TSHZ3: variants seen among roughly 807,000 people sequenced by gnomAD.
TSHZ3 encodes the protein teashirt zinc finger homeobox 3, also known as teashirt homolog 3.
A neutral mutation model predicts 64.5 loss-of-function variants in TSHZ3; 10 were observed. The observed-to-expected ratio is 0.16, with a 90% CI of 0.10 to 0.26. The LOEUF (loss-of-function observed/expected upper bound fraction) is 0.26. Among genes scored for constraint, TSHZ3 ranks in the 10% least tolerant of loss-of-function variants. The probability of loss-of-function intolerance (pLI) is 1.00; values close to 1 mark genes in which losing one functional copy is unlikely to be tolerated. For missense variants in TSHZ3, 1,242 were observed against 1,421.7 expected, an observed-to-expected ratio of 0.87 and a Z score of 2.03; for synonymous variants, 608 against 593.1, an observed-to-expected ratio of 1.03 and a Z score of -0.36.
chr19:31,268,571 C>A (rs184454269), intron 1 of TSHZ3, among the ~76,000 whole-genome samples: 1 of 152,318 alleles, frequency 6.6e-6, no homozygotes, highest in African/African-American at 2.4e-5. Flanking sequence ...GGCCACTGAT[C>A]CCCCAATCCT....
intron 5 of TSHZ3, among the ~76,000 whole-genome samples, chr19:31,201,647 A>G (rs1975088501): frequency 6.6e-6 from 1 of 152,204 alleles, no homozygotes; most frequent in Non-Finnish European, 1.5e-5. Flanking sequence ...CTGAGCAGGA[A>G]CTAATGTGGG....
At chr19:31,310,594 A>C (rs931680342) in intron 1 of TSHZ3, among the ~76,000 whole-genome samples, 7 of 152,256 alleles carry the variant, frequency 4.6e-5, no homozygotes, top group African/African-American at 1.7e-4. Flanking sequence ...GAATGAATGC[A>C]GGGAAAGGGG....
At chr19:31,176,531 C>T (rs374224458) in intron 5 of TSHZ3, among the ~76,000 whole-genome samples, 100 of 152,298 alleles carry the variant, frequency 6.6e-4, no homozygotes, top group African/African-American at 2.2e-3. Context: ...CATGGTGTTT[C>T]GCTTGTAATC....
chr19:31,277,219 G>T lies in TSHZ3; in HGVS notation c.2574C>A (p.His858Gln), dbSNP rs754566920. 5 of 1,614,238 alleles carry T rather than the reference G, an allele frequency of 3.1e-6. No individual in the cohort carries two copies. The highest frequency in any genetic ancestry group is 4.2e-6 in the Non-Finnish European group (5 of 1,180,044). ...SDMLKNLTES[H>Q]TSKSSTPSSI... Reference sequence around the variant, plus strand: ...TGGAAGGAGTGGAGGATTTTGACGTGTGGCTCTCTGTCAAGTTCTTCAGCA... The same window carrying T: ...TGGAAGGAGTGGAGGATTTTGACGTTTGGCTCTCTGTCAAGTTCTTCAGCA... The change falls in exon 2 of 2, where the codon CAC becomes CAA. Residue 858 changes from histidine to glutamine, a missense_variant. Around this residue, in one of 4 missense-constraint regions of TSHZ3, gnomAD observed 550 missense variants for 545.1 expected, o/e 1.01. Coordinates refer to ENST00000240587, the MANE Select transcript of TSHZ3 (RefSeq NM_020856.4). This position sits in a 1 kb window ranked among gnomAD's most constrained non-coding sequence, Gnocchi z 4.5.
chr19:31,195,044 G>C (rs1260399235), intron 5 of TSHZ3, among the ~76,000 whole-genome samples: 2 of 151,830 alleles, frequency 1.3e-5, no homozygotes, highest in East Asian at 3.9e-4. Context: ...TGAAAAGCAG[G>C]GAGAAAAAGA....
intron 5 of TSHZ3, among the ~76,000 whole-genome samples, chr19:31,184,841 C>G (rs1045775129): frequency 7.9e-5 from 12 of 152,130 alleles, no homozygotes; most frequent in African/African-American, 2.7e-4. Flanking sequence ...GAAAGCCCAA[C>G]CAAGAGTGAA....
intron 1 of TSHZ3, among the ~76,000 whole-genome samples, chr19:31,323,702 T>G (rs1916843940): frequency 6.6e-6 from 1 of 152,044 alleles, no homozygotes; most frequent in South Asian, 2.1e-4. Flanking sequence ...CAGGAAGAAG[T>G]TGGCTTCAGG....
At chr19:31,263,749 C>G (rs964481696) in intron 1 of TSHZ3, among the ~76,000 whole-genome samples, 26 of 152,276 alleles carry the variant, frequency 1.7e-4, no homozygotes, top group African/African-American at 5.3e-4. Flanking sequence ...TTCTAGCTAG[C>G]AATGAGGCAA....
In TSHZ3 at chr19:31,172,010, G is replaced by A. The variant is rs140856430; in HGVS notation, n.810-15593C>T. On this transcript the variant is annotated intron_variant and non_coding_transcript_variant, in intron 5 of 6. Transcript: ENST00000651361. ...TAGGTCTGTTTTAATGGAGGGTCCC[G>A]TGGTTGGGGGGATACTGGTCCTTCA... is the stretch of plus-strand genomic sequence containing the variant. 4.2e-4 allele frequency among the ~76,000 whole-genome samples: 64 copies of A among 152,274 alleles called. 1 individual carries two copies. The highest frequency in any genetic ancestry group is 2.1e-4 in the South Asian group (1 of 4,820).
chr19:31,279,727 A>T lies in TSHZ3; in HGVS notation c.66T>A (p.Ala22=). Residue 22 remains alanine, a synonymous_variant, in exon 2 of 2, where the codon GCT becomes GCA. Transcript: ENST00000240587. This position sits in a 1 kb window ranked among gnomAD's most constrained non-coding sequence, Gnocchi z 6.4. ...CTAAACCTTCGTCCACCAGGGCAGCAGCCTTTAACTCTTCGGAAACATAGG... is the reference window on the plus strand; with the variant it reads ...CTAAACCTTCGTCCACCAGGGCAGCTGCCTTTAACTCTTCGGAAACATAGG... ...AAAYVSEELK[A]AALVDEGLDP... 1 of 1,512,832 alleles carries T rather than the reference A, an allele frequency of 6.6e-7. No homozygotes were observed. The highest frequency in any genetic ancestry group is 8.8e-7 in the Non-Finnish European group (1 of 1,130,336). 93.7% of individuals were successfully genotyped at this position (1,512,832 alleles called of 1,614,324 possible). A position where few individuals can be genotyped will look rare whatever the true frequency, so the allele number is the denominator to read the frequency against.
chr19:31,287,297 G>A (rs537810023), intron 1 of TSHZ3, among the ~76,000 whole-genome samples: 6 of 152,278 alleles, frequency 3.9e-5, no homozygotes, highest in South Asian at 2.1e-4. Flanking sequence ...ATAACCCTCC[G>A]TTTCCCCTGG....
At chr19:31,341,840 G>A (rs568490918) in intron 1 of TSHZ3, among the ~76,000 whole-genome samples, 5 of 152,278 alleles carry the variant, frequency 3.3e-5, no homozygotes, top group African/African-American at 1.2e-4. Context: ...GAAGACAATG[G>A]TCACCTTTTC....
At chr19:31,259,083 C>A (rs766619520) in intron 1 of TSHZ3, among the ~76,000 whole-genome samples, 56 of 152,128 alleles carry the variant, frequency 3.7e-4, no homozygotes, top group Non-Finnish European at 6.5e-4. Flanking sequence ...CTCTAAGATT[C>A]AGTTTTAATA....
chr19:31,348,867 A>G, intron 1 of TSHZ3: 1 of 324,646 alleles, frequency 3.1e-6, no homozygotes, highest in South Asian at 1.1e-4. Context: ...CCACAGAAAG[A>G]GCCAGGCCGG....
intron 3 of TSHZ3, among the ~76,000 whole-genome samples, chr19:31,235,660 C>A (rs997319401): frequency 2.8e-5 from 2 of 71,226 alleles, no homozygotes; most frequent in African/African-American, 5.8e-5. Context: ...CTATTTCTTT[C>A]TATTTCTTTC....
At chr19:31,157,019 G>T (rs979077192) in intron 5 of TSHZ3, among the ~76,000 whole-genome samples, 1 of 152,164 alleles carries the variant, frequency 6.6e-6, no homozygotes, top group African/African-American at 2.4e-5. Flanking sequence ...TGAGAGCAGG[G>T]TGGTAAATTG....
At chr19:31,162,083 A>G (rs1349182999) in intron 5 of TSHZ3, among the ~76,000 whole-genome samples, 1 of 152,158 alleles carries the variant, frequency 6.6e-6, no homozygotes, top group Non-Finnish European at 1.5e-5. Context: ...CTCATGCATA[A>G]TTAGGTGGTG....
At chr19:31,152,270 G>A (rs1357076058) in intron 6 of TSHZ3, among the ~76,000 whole-genome samples, 1 of 121,812 alleles carries the variant, frequency 8.2e-6, no homozygotes, top group Non-Finnish European at 1.7e-5. Context: ...GCAATAACAT[G>A]TGTATATGTG....
At chr19:31,337,931 C>T (rs773482049) in intron 1 of TSHZ3, among the ~76,000 whole-genome samples, 7 of 152,206 alleles carry the variant, frequency 4.6e-5, no homozygotes, top group Non-Finnish European at 8.8e-5. Context: ...CTCTTCCGTT[C>T]TAACTTTCTA....
Sources: gnomAD v4.1 joint callset for allele counts (sites outside exome capture counted in the v4.1 genomes callset) on GRCh38, gnomAD v4.1.1 for gene constraint, gnomAD v4.1.1 regional missense constraint, Gnocchi (gnomAD v3.1) non-coding constraint, MANE v1.5 for transcripts, NCBI Gene and HGNC (gene_info 2026-07-23, HGNC 2026-07-21) for gene names.